Variants in UBE2L3 observed in about 807,000 individuals in gnomAD.
UBE2L3 encodes ubiquitin-conjugating enzyme E2 L3.
A neutral mutation model predicts 17.8 loss-of-function variants in UBE2L3; 1 was observed. The ratio of observed to expected loss-of-function variants is 0.06; its 90% CI spans 0.02 to 0.27. UBE2L3 has a LOEUF of 0.27. Ranked by LOEUF, UBE2L3 falls within the 10% of genes least tolerant of loss-of-function variation. The pLI is 1.00. For synonymous variants in UBE2L3, 44 were observed against 68.5 expected, an observed-to-expected ratio of 0.64 and a Z score of 1.76; for missense variants, 40 against 192.6, an observed-to-expected ratio of 0.21 and a Z score of 4.69.
intron 2 of UBE2L3, among the ~76,000 whole-genome samples, chr22:21,594,393 G>GTCA (rs1928415924): frequency 6.6e-6 from 1 of 151,204 alleles, no homozygotes; most frequent in Non-Finnish European, 1.5e-5. Flanking sequence ...TGGTTATAAG[G>GTCA]TGAGCATGGA....
intron 2 of UBE2L3, among the ~76,000 whole-genome samples, chr22:21,599,639 A>G (rs575687796): frequency 5.3e-5 from 8 of 152,218 alleles, no homozygotes; most frequent in Non-Finnish European, 1.0e-4. Context: ...ATGAAAAAAT[A>G]TAGGCAGTGT....
intron 3 of UBE2L3, among the ~76,000 whole-genome samples, chr22:21,619,692 T>TA (rs1929956527): frequency 6.6e-6 from 1 of 152,204 alleles, no homozygotes; most frequent in Admixed American, 6.5e-5. Flanking sequence ...CAGCATTTTG[T>TA]TTTATTTATT....
intron 3 of UBE2L3, among the ~76,000 whole-genome samples, chr22:21,612,736 C>T (rs375519804): frequency 2.7e-5 from 4 of 147,270 alleles, no homozygotes; most frequent in African/African-American, 2.5e-5. Context: ...CTCCGCCTCC[C>T]GGGTTCAAGC....
chr22:21,593,821 A>T (rs2148423573), intron 2 of UBE2L3, among the ~76,000 whole-genome samples: 1 of 152,080 alleles, frequency 6.6e-6, no homozygotes, highest in South Asian at 2.1e-4. Flanking sequence ...CAGTCCTGTG[A>T]CCAGCCTGCC....
intron 2 of UBE2L3, among the ~76,000 whole-genome samples, chr22:21,594,879 T>G (rs997055298): frequency 1.3e-5 from 2 of 152,228 alleles, no homozygotes; most frequent in African/African-American, 4.8e-5. Context: ...ACAGTTAATC[T>G]GTGGCTCTTT....
At chr22:21,566,324 C>T (rs1181832294), upstream of UBE2L3, among the ~76,000 whole-genome samples, 1 of 152,004 alleles carries the variant, frequency 6.6e-6, no homozygotes, top group Non-Finnish European at 1.5e-5. Flanking sequence ...TGGCTCATGC[C>T]TGTAATCCCA....
At chr22:21,572,756 C>A (rs568634867) in intron 1 of UBE2L3, among the ~76,000 whole-genome samples, 2 of 152,246 alleles carry the variant, frequency 1.3e-5, no homozygotes, top group South Asian at 4.2e-4. Flanking sequence ...GGGAACGGCA[C>A]ATAGATCTGT....
rs1926730603 is a variant in UBE2L3, at chr22:21,567,994, T to G, written c.27+223T>G. 6 of 1,358,888 alleles carry G rather than the reference T, an allele frequency of 4.4e-6. No homozygotes were observed. In the East Asian group the frequency reaches 1.8e-4, roughly 42 times the overall value. 84.2% of individuals were successfully genotyped at this position (1,358,888 alleles called of 1,614,324 possible). ...CGCGCTGGGAGCCGCTGTCGGCCCCTCAGCCCGGCCCGGGGCGTTCACGCC... is the reference window on the plus strand; with the variant it reads ...CGCGCTGGGAGCCGCTGTCGGCCCCGCAGCCCGGCCCGGGGCGTTCACGCC... On this transcript the variant is annotated intron_variant, in intron 1 of 3. Transcript: ENST00000342192.
chr22:21,606,522 C>T (rs927570982), intron 2 of UBE2L3, among the ~76,000 whole-genome samples: 5 of 152,160 alleles, frequency 3.3e-5, no homozygotes, highest in Non-Finnish European at 7.4e-5. Flanking sequence ...TGTTTACTTA[C>T]TTCCCCCCAC....
At chr22:21,599,288 T>G (rs1928728942) in intron 2 of UBE2L3, among the ~76,000 whole-genome samples, 1 of 152,128 alleles carries the variant, frequency 6.6e-6, no homozygotes, top group Non-Finnish European at 1.5e-5. Context: ...TCCTGCTAAT[T>G]GTGCCACTCT....
intron 1 of UBE2L3, among the ~76,000 whole-genome samples, chr22:21,556,612 T>C (rs1459971786): frequency 2.6e-5 from 4 of 151,194 alleles, no homozygotes; most frequent in Admixed American, 2.0e-4. Context: ...CTTTTCTTTT[T>C]TCTTTTTTTT....
chr22:21,557,052 T>C (rs1465561318), intron 1 of UBE2L3, among the ~76,000 whole-genome samples: 43 of 150,898 alleles, frequency 2.8e-4, no homozygotes, highest in African/African-American at 1.0e-3. Flanking sequence ...AGAGTCTGAG[T>C]CAAAAAAAAA....
intron 1 of UBE2L3, among the ~76,000 whole-genome samples, chr22:21,576,520 G>T (rs528406006): frequency 6.6e-6 from 1 of 151,624 alleles, no homozygotes; most frequent in South Asian, 2.1e-4. Context: ...GGATGGTCTC[G>T]ATCTCCTGAC....
At position 21,575,631 on chromosome 22, in the gene UBE2L3, C is replaced by CTTT. The variant is rs533923826; in HGVS notation, c.27+7886_27+7888dup. 4.9e-3 allele frequency among the ~76,000 whole-genome samples: 362 copies of CTTT among 73,440 alleles called. 80 individuals are homozygous for CTTT. The highest frequency in any genetic ancestry group is 7.1e-3 in the Non-Finnish European group (294 of 41,620). The allele number at this position is 73,440 out of a possible 152,430, so 48.2% of individuals were successfully genotyped here. A position where few individuals can be genotyped will look rare whatever the true frequency, so the allele number is the denominator to read the frequency against. On this transcript the variant is annotated intron_variant, in intron 1 of 3. Coordinates refer to ENST00000342192, the MANE Select transcript of UBE2L3 (RefSeq NM_003347.4). ...TACTTTTCCCAACAAAGTTGAATAG[C>CTTT]TTTTTTTTTTTTTTTTTTTTTTTTT...
intron 1 of UBE2L3, among the ~76,000 whole-genome samples, chr22:21,573,259 G>T (rs1178919248): frequency 6.6e-6 from 1 of 152,066 alleles, no homozygotes; most frequent in Non-Finnish European, 1.5e-5. Context: ...GATTACAAGT[G>T]CACATTCCTT....
chr22:21,562,516 C>G (rs1926478764), intron 1 of UBE2L3, among the ~76,000 whole-genome samples: 2 of 151,772 alleles, frequency 1.3e-5, no homozygotes, highest in Admixed American at 6.6e-5. Flanking sequence ...GGACCACAAG[C>G]ACCCGCCACC....
chr22:21,618,978 A>G (rs531164998), intron 3 of UBE2L3, among the ~76,000 whole-genome samples: 11 of 152,284 alleles, frequency 7.2e-5, no homozygotes, highest in African/African-American at 2.4e-4. Context: ...GCGTGCCCCT[A>G]ACGAAGTACT....
At chr22:21,612,643 CTTTT>C (rs57678378) in intron 3 of UBE2L3, among the ~76,000 whole-genome samples, 18 of 52,486 alleles carry the variant, frequency 3.4e-4, no homozygotes, top group African/African-American at 7.0e-4. Context: ...CTTTTCTTTT[CTTTT>C]TTTTTTTTTT....
upstream of UBE2L3, among the ~76,000 whole-genome samples, chr22:21,562,742 T>C (rs1926489608): frequency 6.8e-6 from 1 of 146,912 alleles, no homozygotes; most frequent in South Asian, 2.2e-4. Flanking sequence ...CCTGACCTCG[T>C]GATCCACCTG....
Sources: allele counts gnomAD v4.1 joint callset (sites outside exome capture counted in the v4.1 genomes callset), GRCh38; gene constraint gnomAD v4.1.1; transcripts MANE v1.5; gene names NCBI Gene and HGNC (gene_info 2026-07-23, HGNC 2026-07-21).